TRIM44: variants seen among roughly 807,000 people sequenced by gnomAD.
TRIM44 encodes tripartite motif-containing protein 44.
In TRIM44, 13 loss-of-function variants were observed where a neutral mutation model predicts 37.4. That is an observed-to-expected ratio of 0.35 (90% CI 0.23 to 0.55). TRIM44 has a LOEUF of 0.55. TRIM44 is among the 20% of genes least tolerant of loss of function. TRIM44 has a pLI of 0.89. For synonymous variants in TRIM44, 175 were observed against 157.2 expected, an observed-to-expected ratio of 1.11 and a Z score of -0.85; for missense variants, 426 against 437.2, an observed-to-expected ratio of 0.97 and a Z score of 0.23.
intron 2 of TRIM44, among the ~76,000 whole-genome samples, chr11:35,697,182 T>C: frequency 6.7e-6 from 1 of 149,818 alleles, no homozygotes; most frequent in East Asian, 2.0e-4. Flanking sequence ...TCATTTAGCA[T>C]TAGGTATATC....
rs567545218 is a variant in TRIM44, at chr11:35,740,698, G to C, written c.1007+5253G>C. Among the ~76,000 whole-genome samples, 4 of 152,220 alleles carry C rather than the reference G, an allele frequency of 2.6e-5. No homozygotes were observed. The East Asian group carries it at 7.7e-4, about 29-fold the overall frequency. ...TGTCTGTGACTGACTGTGTGACCTTGGGCAAGTCATTTAACATCCTTGTAC... is the reference window on the plus strand; with the variant it reads ...TGTCTGTGACTGACTGTGTGACCTTCGGCAAGTCATTTAACATCCTTGTAC... On this transcript the variant is annotated intron_variant, in intron 4 of 4. Transcript: ENST00000299413.
chr11:35,786,249 G>A lies in TRIM44; in HGVS notation c.1008-20109G>A, dbSNP rs529593924. ...CTACTCTATTACATAGGTCTTACTG[G>A]ATGCATTTTACAAATGAGAAAACTA... On this transcript the variant is annotated intron_variant, in intron 4 of 4. Transcript: ENST00000299413. Among the ~76,000 whole-genome samples, 290 of 152,232 alleles carry A rather than the reference G, an allele frequency of 1.9e-3. 1 individual carries two copies. The highest frequency in any genetic ancestry group is 6.4e-3 in the South Asian group (31 of 4,816).
intron 4 of TRIM44, among the ~76,000 whole-genome samples, chr11:35,795,384 A>G (rs914228993): frequency 6.6e-6 from 1 of 151,974 alleles, no homozygotes; most frequent in African/African-American, 2.4e-5. Context: ...TCAAGAAGCA[A>G]CTCCAATAGT....
chr11:35,750,763 A>T (rs1004193294), intron 4 of TRIM44, among the ~76,000 whole-genome samples: 2 of 152,174 alleles, frequency 1.3e-5, no homozygotes, highest in Non-Finnish European at 2.9e-5. Context: ...AGTTGAAATC[A>T]TCTCTTCACC....
At chr11:35,723,001 CTCTT>C (rs1413620715) in intron 2 of TRIM44, among the ~76,000 whole-genome samples, 1 of 152,052 alleles carries the variant, frequency 6.6e-6, no homozygotes, top group African/African-American at 2.4e-5. Flanking sequence ...CAATCTCTCT[CTCTT>C]TCTCTCTCTA....
intron 4 of TRIM44, among the ~76,000 whole-genome samples, chr11:35,781,569 A>T (rs542763751): frequency 2.0e-5 from 3 of 152,230 alleles, no homozygotes; most frequent in Non-Finnish European, 4.4e-5. Flanking sequence ...AGTCACACAG[A>T]TAGAACTTAG....
At chr11:35,757,026 G>A (rs1302678480) in intron 4 of TRIM44, among the ~76,000 whole-genome samples, 1 of 152,196 alleles carries the variant, frequency 6.6e-6, no homozygotes, top group African/African-American at 2.4e-5. Flanking sequence ...CTCATAAAAT[G>A]AGTTAGGGAG....
intron 1 of TRIM44, among the ~76,000 whole-genome samples, chr11:35,670,901 T>G (rs988633370): frequency 6.6e-6 from 1 of 152,256 alleles, no homozygotes; most frequent in African/African-American, 2.4e-5. Flanking sequence ...CTGCTCATTT[T>G]GATTCGATAA....
At chr11:35,763,176 T>G (rs1310450876) in intron 4 of TRIM44, among the ~76,000 whole-genome samples, 1 of 151,934 alleles carries the variant, frequency 6.6e-6, no homozygotes, top group Non-Finnish European at 1.5e-5. Context: ...AAAAGGGCAA[T>G]AGAAAACCAT....
intron 1 of TRIM44, among the ~76,000 whole-genome samples, chr11:35,670,782 T>C (rs1851385212): frequency 6.6e-6 from 1 of 152,234 alleles, no homozygotes; most frequent in African/African-American, 2.4e-5. Flanking sequence ...GTTTTTCATT[T>C]AATGCCAGAT....
rs1405035544 is a variant in TRIM44 at position 35,812,112 on chromosome 11, C to G, written c.*5727C>G. On this transcript the variant is annotated 3_prime_UTR_variant, in exon 5 of 5. Coordinates refer to ENST00000299413, the MANE Select transcript of TRIM44 (RefSeq NM_017583.6). The stretch of plus-strand genomic sequence containing the variant: ...AGTATCTCAACACCACATCCATTGC[C>G]CCAGCCCTTTCTTGTTTTATCTTTC... 1 of 152,294 alleles carries G rather than the reference C, an allele frequency of 6.6e-6. No homozygotes were observed. Among genetic ancestry groups the G allele is most frequent in the Non-Finnish European group, 1.5e-5 (1 of 68,036 alleles). 9.4% of individuals were successfully genotyped at this position (152,294 alleles called of 1,614,324 possible).
chr11:35,726,796 A>G (rs543666113), intron 3 of TRIM44, among the ~76,000 whole-genome samples: 115 of 152,164 alleles, frequency 7.6e-4, no homozygotes, highest in African/African-American at 2.6e-3. Context: ...GGTCTTAGGC[A>G]TTTTACCAAA....
chr11:35,693,610 T>G (rs1851662858), intron 2 of TRIM44, among the ~76,000 whole-genome samples: 1 of 152,172 alleles, frequency 6.6e-6, no homozygotes, highest in South Asian at 2.1e-4. Context: ...TGTTGGGGCC[T>G]AGTACATGAG....
intron 3 of TRIM44, among the ~76,000 whole-genome samples, chr11:35,730,874 C>T (rs1168100910): frequency 3.2e-4 from 39 of 120,482 alleles, no homozygotes; most frequent in South Asian, 5.2e-4. Context: ...TTTTTTGAGA[C>T]GGAGGTTTGC....
chr11:35,782,590 T>G lies in TRIM44; in HGVS notation c.1008-23768T>G, dbSNP rs560884332. Among the ~76,000 whole-genome samples, 13 of 152,244 alleles carry G rather than the reference T, an allele frequency of 8.5e-5. 1 individual carries two copies. The East Asian group carries it at 2.3e-3, about 27-fold the overall frequency. On this transcript the variant is annotated intron_variant, in intron 4 of 4. Coordinates refer to ENST00000299413, the MANE Select transcript of TRIM44 (RefSeq NM_017583.6). The stretch of plus-strand genomic sequence containing the variant: ...TGTTGCCTTATGATTGAAAAAGAGC[T>G]GCAGCTTTGGGTATTATACCCATGT...
At chr11:35,736,283 A>G (rs755382502) in intron 4 of TRIM44, among the ~76,000 whole-genome samples, 12 of 152,208 alleles carry the variant, frequency 7.9e-5, no homozygotes, top group African/African-American at 2.7e-4. Context: ...CAGAACCTCA[A>G]TGTGTAAAAA....
At chr11:35,689,082 C>T (rs1851612934) in intron 2 of TRIM44, among the ~76,000 whole-genome samples, 1 of 152,110 alleles carries the variant, frequency 6.6e-6, no homozygotes, top group African/African-American at 2.4e-5. Flanking sequence ...TCAGCTTAGG[C>T]TAAAAGGACG....
intron 2 of TRIM44, among the ~76,000 whole-genome samples, chr11:35,711,104 T>G (rs1851965080): frequency 6.6e-6 from 1 of 152,136 alleles, no homozygotes; most frequent in Admixed American, 6.6e-5. Context: ...GAAAATGTTT[T>G]AAAACCAATG....
chr11:35,792,115 T>A (rs866110857), intron 4 of TRIM44, among the ~76,000 whole-genome samples: 3,986 of 90,854 alleles, frequency 0.044, 191 homozygotes, highest in African/African-American at 0.15. Flanking sequence ...ACACACACTC[T>A]CTCTCATCAT....
Sources: allele counts gnomAD v4.1 joint callset (sites outside exome capture counted in the v4.1 genomes callset), GRCh38; gene constraint gnomAD v4.1.1; transcripts MANE v1.5; gene names NCBI Gene and HGNC (gene_info 2026-07-23, HGNC 2026-07-21).